IL16: variants seen among roughly 807,000 people sequenced by gnomAD.
The protein encoded by IL16 is interleukin 16, also known as pro-interleukin-16.
In IL16, 67 loss-of-function variants were observed where a neutral mutation model predicts 110.1. The ratio of observed to expected loss-of-function variants is 0.61; its 90% confidence interval spans 0.50 to 0.75. The LOEUF (loss-of-function observed/expected upper bound fraction) is 0.75. Ranked by LOEUF, IL16 falls within the 30% of genes least tolerant of loss-of-function variation. IL16 has a pLI of 0.00. For missense variants in IL16, 1,545 were observed against 1,655.0 expected, an observed-to-expected ratio of 0.93 and a Z score of 1.15; for synonymous variants, 689 against 662.9, an observed-to-expected ratio of 1.04 and a Z score of -0.61.
intron 2 of IL16, among the ~76,000 whole-genome samples, chr15:81,256,495 G>A (rs531650937): frequency 6.6e-6 from 1 of 151,956 alleles, no homozygotes; most frequent in Non-Finnish European, 1.5e-5. Context: ...CAACATGCCG[G>A]CTAGTTTTTT....
chr15:81,299,216 C>T, intron 13 of IL16, 164 bp from the exon 14 acceptor site: 1 of 1,087,718 alleles, frequency 9.2e-7, no homozygotes, highest in Non-Finnish European at 1.4e-6. Context: ...GTTGGCAGCT[C>T]AGTCAGGTAA....
chr15:81,292,501 G>C (rs569353854), intron 11 of IL16, 55 bp from the exon 12 acceptor site: 127 of 1,612,444 alleles, frequency 7.9e-5, no homozygotes, highest in Non-Finnish European at 1.0e-5. Context: ...AGGCCAGGGG[G>C]TATTTCTGTT....
rs1288823078 is a variant in IL16 at position 81,214,690 on chromosome 15, T to C, written c.-101-10609T>C. 1.2e-4 allele frequency among the ~76,000 whole-genome samples: 18 copies of C among 152,348 alleles called. No homozygotes were observed. In the East Asian group the frequency reaches 3.5e-3, roughly 29 times the overall value. Reference sequence around the variant, plus strand: ...ACCTCTAGCAAAATTAGGGAAATTTTTGGGGACTATATCCTCAAATGTATT... The same window carrying C: ...ACCTCTAGCAAAATTAGGGAAATTTCTGGGGACTATATCCTCAAATGTATT... On this transcript the variant is annotated intron_variant, in intron 1 of 18. Coordinates refer to ENST00000683961, the MANE Select transcript of IL16 (RefSeq NM_172217.5).
At position 81,225,392 on chromosome 15, in the gene IL16, C is replaced by G. The variant is rs1896752650; in HGVS notation, c.-8C>G. On this transcript the variant is annotated 5_prime_UTR_variant, in exon 2 of 19. Transcript: ENST00000683961. ...AGGAAGAAAGGCAGCTTCACTTCCT[C>G]TTTGAGGATGGAGTCGCACAGCCGC... 1 of 1,613,324 alleles carries G rather than the reference C, an allele frequency of 6.2e-7. No individual in the cohort carries two copies. Among genetic ancestry groups the G allele is most frequent in the African/African-American group, 1.3e-5 (1 of 75,060 alleles).
In IL16 at chr15:81,306,021, C is replaced by G. The variant is rs970555750; in HGVS notation, c.3534C>G (p.Ala1178=). ...TCAAGGGGACCACGCACCATGATGC[C>G]TTGGCCATCCTCCGCCAAGCTCGAG... ...KSLKGTTHHD[A]LAILRQAREP... is the part of the protein sequence containing the mutation. Residue 1178 remains alanine (A), a synonymous_variant, in exon 17 of 19, where the codon GCC becomes GCG. Coordinates refer to ENST00000683961, the MANE Select transcript of IL16 (RefSeq NM_172217.5). The G allele has an allele frequency of 1.2e-6, 2 of 1,614,242 alleles. No individual in the cohort carries two copies. The highest frequency in any genetic ancestry group is 8.5e-7 in the Non-Finnish European group (1 of 1,180,040).
chr15:81,303,616 C>T lies in IL16; in HGVS notation c.3386C>T (p.Ala1129Val), dbSNP rs1388383763. The T allele has an allele frequency of 3.7e-6, 6 of 1,613,632 alleles. No individual in the cohort carries two copies. Among genetic ancestry groups the T allele is most frequent in the Non-Finnish European group, 5.1e-6 (6 of 1,179,554 alleles). ...EEGAGLGFSL[A>V]GGADLENKVI... ...GGTGCTGGTCTTGGGTTCAGCTTGG[C>T]AGGAGGAGCAGATCTAGAAAACAAG... The change falls in exon 16 of 19, where the codon GCA (alanine) becomes GTA (valine). Residue 1129 changes from alanine to valine, a missense_variant. This residue lies in a region of IL16 where 356 missense variants were observed against 399.3 expected (regional missense o/e 0.89). Transcript: ENST00000683961. The surrounding 1 kb of genome is among the most constrained non-coding windows in gnomAD (Gnocchi z 4.1).
At chr15:81,227,859 T>C (rs906882080) in intron 2 of IL16, among the ~76,000 whole-genome samples, 1 of 152,056 alleles carries the variant, frequency 6.6e-6, no homozygotes, top group African/African-American at 2.4e-5. Context: ...TGCAAGGATG[T>C]AGCATGTGAG....
chr15:81,272,483 A>G (rs1409620055), intron 5 of IL16, among the ~76,000 whole-genome samples: 4 of 152,156 alleles, frequency 2.6e-5, no homozygotes, highest in African/African-American at 7.2e-5. Flanking sequence ...GTACAATTCC[A>G]GGATATGTTT....
At chr15:81,246,564 C>T (rs994945467) in intron 2 of IL16, among the ~76,000 whole-genome samples, 1 of 152,136 alleles carries the variant, frequency 6.6e-6, no homozygotes. Flanking sequence ...TTTTTATATT[C>T]ATGAGTGTGA....
Position 81,283,793 on chromosome 15 carries a change from C to T in IL16, c.1199+1037C>T, listed in dbSNP as rs560649581. Among the ~76,000 whole-genome samples, 92 of 152,176 alleles carry T rather than the reference C, an allele frequency of 6.0e-4. No individual in the cohort carries two copies. In the South Asian group the frequency reaches 0.019, roughly 32 times the overall value. The stretch of plus-strand genomic sequence containing the variant: ...GGCTGAGGCGAGTGAATGGCCTGAG[C>T]TCAGGAGTTCAAGACCAGCCTGGGC... On this transcript the variant is annotated intron_variant, in intron 9 of 18. Coordinates refer to ENST00000683961, the MANE Select transcript of IL16 (RefSeq NM_172217.5).
chr15:81,299,352 C>G, intron 13 of IL16, 28 bp from the exon 14 acceptor site: 1 of 1,607,692 alleles, frequency 6.2e-7, no homozygotes. Flanking sequence ...ATGTAATGCA[C>G]AGCTTTGGCC....
intron 1 of IL16, among the ~76,000 whole-genome samples, chr15:81,219,849 C>T (rs925272): frequency 0.16 from 25,089 of 152,142 alleles, 4,742 homozygotes; most frequent in African/African-American, 0.46. Context: ...CTCTGAAACA[C>T]TCATCTGCCG....
upstream of IL16, among the ~76,000 whole-genome samples, chr15:81,193,428 A>C (rs554505825): frequency 7.2e-5 from 11 of 152,108 alleles, no homozygotes; most frequent in African/African-American, 2.7e-4. Flanking sequence ...AGGCCTGGAG[A>C]AGTGAATTTG....
intron 8 of IL16, among the ~76,000 whole-genome samples, 182 bp downstream of exon 8, chr15:81,279,956 G>A (rs534940384): frequency 7.2e-5 from 11 of 152,262 alleles, no homozygotes; most frequent in Admixed American, 5.9e-4. Context: ...CATACCATTC[G>A]AACCTAGTCA....
chr15:81,214,642 A>G (rs59415196), intron 1 of IL16, among the ~76,000 whole-genome samples: 12,805 of 151,882 alleles, frequency 0.084, 547 homozygotes, highest in Middle Eastern at 0.1. Flanking sequence ...AGGGTTCTCT[A>G]TATTTCTCAT....
chr15:81,236,025 T>A (rs1490658852), intron 2 of IL16, among the ~76,000 whole-genome samples: 1 of 152,200 alleles, frequency 6.6e-6, no homozygotes, highest in Admixed American at 6.5e-5. Context: ...TGAAATGCTT[T>A]ATCCACATGA....
Position 81,313,230 on chromosome 15 carries a change from T to C in IL16, c.*4432T>C. On this transcript the variant is annotated 3_prime_UTR_variant, in exon 19 of 19. Coordinates refer to ENST00000683961, the MANE Select transcript of IL16 (RefSeq NM_172217.5). Reference sequence around the variant, plus strand: ...GGAGCTCCTCGATGAGTCACGGGAGTTCTTTGCCAAGAAGTAACGATAGCA... The same window carrying C: ...GGAGCTCCTCGATGAGTCACGGGAGCTCTTTGCCAAGAAGTAACGATAGCA... 6.6e-7 allele frequency: 1 copy of C among 1,513,544 alleles called. No individual in the cohort carries two copies. 93.8% of individuals were successfully genotyped at this position (1,513,544 alleles called of 1,614,324 possible).
chr15:81,195,647 C>T (rs1895578500), upstream of IL16, among the ~76,000 whole-genome samples: 1 of 152,154 alleles, frequency 6.6e-6, no homozygotes, highest in South Asian at 2.1e-4. Context: ...ATTTCAAGGG[C>T]TTCCTACAGG....
At chr15:81,210,152 C>T (rs747066866) in intron 1 of IL16, among the ~76,000 whole-genome samples, 3 of 152,062 alleles carry the variant, frequency 2.0e-5, no homozygotes, top group Admixed American at 1.3e-4. Flanking sequence ...TTTTTGCTGG[C>T]GTTGTTGAAG....
Sources: gnomAD v4.1 joint callset for allele counts (sites outside exome capture counted in the v4.1 genomes callset) on GRCh38, gnomAD v4.1.1 for gene constraint, gnomAD v4.1.1 regional missense constraint, Gnocchi (gnomAD v3.1) non-coding constraint, MANE v1.5 for transcripts, NCBI Gene and HGNC (gene_info 2026-07-23, HGNC 2026-07-21) for gene names.